SCHIP1: variants seen among roughly 807,000 people sequenced by gnomAD.
The protein encoded by SCHIP1 is schwannomin interacting protein 1.
A neutral mutation model predicts 29.7 loss-of-function variants in SCHIP1; 8 were observed. The ratio of observed to expected loss-of-function variants is 0.27; its 90% confidence interval spans 0.16 to 0.49. SCHIP1 has a LOEUF of 0.49. Among genes scored for constraint, SCHIP1 ranks in the 20% least tolerant of loss-of-function variants. The probability of loss-of-function intolerance (pLI) is 0.99; values close to 1 mark genes in which losing one functional copy is unlikely to be tolerated. For synonymous variants in SCHIP1, 76 were observed against 94.9 expected, an observed-to-expected ratio of 0.80 and a Z score of 1.16; for missense variants, 193 against 294.6, an observed-to-expected ratio of 0.66 and a Z score of 2.52.
At chr3:159,448,226 C>G in the SCHIP1 span, among the ~76,000 whole-genome samples, 3 of 152,192 alleles carry the variant, frequency 2.0e-5, no homozygotes, top group African/African-American at 4.8e-5. Context: ...GTGATCCCAG[C>G]ACTTTGGGAG....
chr3:159,393,751 G>A, the SCHIP1 span, among the ~76,000 whole-genome samples: 213 of 151,000 alleles, frequency 1.4e-3, 4 homozygotes, highest in East Asian at 0.04. Context: ...GTAGTGTGAT[G>A]CCTCCAGCTT....
the SCHIP1 span, among the ~76,000 whole-genome samples, chr3:159,287,506 A>G: frequency 6.6e-6 from 1 of 152,008 alleles, no homozygotes; most frequent in African/African-American, 2.4e-5. Context: ...TTTAATGAAT[A>G]TATAGTTTTT....
chr3:159,754,472 G>A, the SCHIP1 span, among the ~76,000 whole-genome samples: 29 of 152,118 alleles, frequency 1.9e-4, 1 homozygote, highest in South Asian at 2.9e-3. Flanking sequence ...TTATTGAACC[G>A]TTCTGTTGGG....
the SCHIP1 span, among the ~76,000 whole-genome samples, chr3:159,703,386 C>T: frequency 6.6e-6 from 1 of 152,184 alleles, no homozygotes; most frequent in East Asian, 1.9e-4. Context: ...AAGTTGAAGT[C>T]ATGCTTGACA....
At chr3:159,611,567 A>G in the SCHIP1 span, among the ~76,000 whole-genome samples, 8 of 151,756 alleles carry the variant, frequency 5.3e-5, no homozygotes, top group Non-Finnish European at 7.4e-5. Flanking sequence ...ATTAGGACAA[A>G]TACCTAATGT....
At chr3:159,354,690 T>A in the SCHIP1 span, among the ~76,000 whole-genome samples, 128 of 152,258 alleles carry the variant, frequency 8.4e-4, no homozygotes, top group African/African-American at 2.8e-3. Context: ...CAAATCTGAC[T>A]GGCAGGAAAA....
the SCHIP1 span, among the ~76,000 whole-genome samples, chr3:159,416,892 G>A: frequency 7.2e-5 from 11 of 152,270 alleles, no homozygotes; most frequent in East Asian, 1.9e-3. Flanking sequence ...TTTGTGTGTG[G>A]TTAGTTCTGT....
At chr3:159,319,520 G>C in the SCHIP1 span, among the ~76,000 whole-genome samples, 1 of 152,152 alleles carries the variant, frequency 6.6e-6, no homozygotes, top group Non-Finnish European at 1.5e-5. Flanking sequence ...TGTTTATTTA[G>C]GGTGACCCTT....
At chr3:159,577,361 T>A in the SCHIP1 span, among the ~76,000 whole-genome samples, 3 of 152,234 alleles carry the variant, frequency 2.0e-5, no homozygotes, top group Non-Finnish European at 4.4e-5. Context: ...AGGTTTTAAA[T>A]GGCATTAATT....
At chr3:159,896,438 T>A (rs555980288) in intron 6 of SCHIP1, among the ~76,000 whole-genome samples, 2 of 152,334 alleles carry the variant, frequency 1.3e-5, no homozygotes, top group South Asian at 4.1e-4. Flanking sequence ...GATGTTTATT[T>A]ATTTTCATTT....
At chr3:159,760,543 G>C in the SCHIP1 span, among the ~76,000 whole-genome samples, 1 of 152,098 alleles carries the variant, frequency 6.6e-6, no homozygotes, top group African/African-American at 2.4e-5. Context: ...CTGTAAGTGG[G>C]GATAATAGTA....
chr3:159,726,641 C>T, the SCHIP1 span, among the ~76,000 whole-genome samples: 1 of 152,182 alleles, frequency 6.6e-6, no homozygotes, highest in African/African-American at 2.4e-5. Context: ...CCTAAAAAGG[C>T]CCATTGACCT....
At chr3:159,655,082 C>T in the SCHIP1 span, among the ~76,000 whole-genome samples, 3 of 152,196 alleles carry the variant, frequency 2.0e-5, no homozygotes, top group Non-Finnish European at 2.9e-5. Flanking sequence ...GGGTTCAACT[C>T]CCAGCTCTAC....
chr3:159,799,739 G>A, the SCHIP1 span, among the ~76,000 whole-genome samples: 43 of 152,330 alleles, frequency 2.8e-4, no homozygotes, highest in African/African-American at 8.2e-4. Context: ...CAGAAGTTTC[G>A]TAAGGCTGCC....
At chr3:159,668,923 A>G in the SCHIP1 span, among the ~76,000 whole-genome samples, 1 of 152,168 alleles carries the variant, frequency 6.6e-6, no homozygotes, top group Non-Finnish European at 1.5e-5. Flanking sequence ...AAAAAAAATT[A>G]TGAGACAGTT....
chr3:159,733,261 T>G, the SCHIP1 span, among the ~76,000 whole-genome samples: 1 of 152,222 alleles, frequency 6.6e-6, no homozygotes, highest in Non-Finnish European at 1.5e-5. Context: ...GGTACAATAT[T>G]AATTTGAAAT....
the SCHIP1 span, among the ~76,000 whole-genome samples, chr3:159,540,038 T>G: frequency 6.6e-6 from 1 of 152,034 alleles, no homozygotes. Flanking sequence ...ATAATCTTTC[T>G]TGTCCCTGCT....
At chr3:159,630,781 G>A in the SCHIP1 span, among the ~76,000 whole-genome samples, 69 of 152,156 alleles carry the variant, frequency 4.5e-4, no homozygotes, top group African/African-American at 1.5e-3. Flanking sequence ...CACTGCTTGG[G>A]CGATGGGTGC....
At chr3:159,896,694 G>A (rs770265377) in intron 6 of SCHIP1, 29 bp from the exon 8 acceptor site, 3 of 1,582,934 alleles carry the variant, frequency 1.9e-6, no homozygotes, top group South Asian at 1.2e-5. Flanking sequence ...TCTACATGAT[G>A]CTAAATAATT....
Sources: gnomAD v4.1 joint callset for allele counts (sites outside exome capture counted in the v4.1 genomes callset) on GRCh38, gnomAD v4.1.1 for gene constraint, MANE v1.5 for transcripts, NCBI Gene and HGNC (gene_info 2026-07-23, HGNC 2026-07-21) for gene names.